Variants in SSH2 observed in about 807,000 individuals in gnomAD.
SSH2 encodes the protein slingshot protein phosphatase 2, also known as protein phosphatase Slingshot homolog 2.
In SSH2, 37 loss-of-function variants were observed where a neutral mutation model predicts 135.2. That is an observed-to-expected ratio of 0.27 (90% CI 0.21 to 0.36). The LOEUF (loss-of-function observed/expected upper bound fraction) is 0.36. Among genes scored for constraint, SSH2 ranks in the 10% least tolerant of loss-of-function variants. The pLI, the probability that SSH2 is intolerant of heterozygous loss-of-function variation, is 1.00. For synonymous variants in SSH2, 628 were observed against 646.2 expected (o/e 0.97, Z 0.43); for missense variants, 1,408 against 1,765.3 (o/e 0.80, Z 3.63).
intron 3 of SSH2, chr17:29,777,862 C>T (rs1023690042): frequency 1.3e-5 from 2 of 151,406 alleles, no homozygotes; most frequent in Non-Finnish European, 1.5e-5. Flanking sequence ...TGCCACATCC[C>T]ATCCTGCCTT....
intron 3 of SSH2, among the ~76,000 whole-genome samples, chr17:29,786,410 T>C (rs766571122): frequency 1.3e-5 from 2 of 152,176 alleles, no homozygotes; most frequent in Non-Finnish European, 2.9e-5. Flanking sequence ...CAGCAGGAAT[T>C]CTAGCCTTGC....
chr17:29,834,347 C>T (rs1215665373), intron 2 of SSH2, among the ~76,000 whole-genome samples: 1 of 152,076 alleles, frequency 6.6e-6, no homozygotes, highest in African/African-American at 2.4e-5. Flanking sequence ...GAATGCTTGA[C>T]GTGATTGAAA....
At chr17:29,706,938 G>C (rs1255136337) in intron 3 of SSH2, 1 of 152,194 alleles carries the variant, frequency 6.6e-6, no homozygotes, top group Non-Finnish European at 1.5e-5. Context: ...CGGATCACGA[G>C]GTCAGGAGAT....
At chr17:29,794,024 G>A in intron 2 of SSH2, 87 bp from the exon 3 acceptor site, 2 of 1,057,868 alleles carry the variant, frequency 1.9e-6, no homozygotes, top group Non-Finnish European at 2.9e-6. Context: ...AGTTTCACAT[G>A]TTGTGTACTT....
chr17:29,691,030 A>T (rs1262191674), intron 5 of SSH2, among the ~76,000 whole-genome samples: 1 of 151,834 alleles, frequency 6.6e-6, no homozygotes, highest in African/African-American at 2.4e-5. Flanking sequence ...GCTGAGAACG[A>T]TTTTCTCAGA....
At chr17:29,643,428 T>C (rs1435635493) in intron 14 of SSH2, 2 of 224,110 alleles carry the variant, frequency 8.9e-6, no homozygotes, top group East Asian at 3.7e-4. Context: ...TTTTTTTTTT[T>C]TGACACGGAG....
chr17:29,825,942 T>G (rs1483761364), intron 2 of SSH2, among the ~76,000 whole-genome samples: 1 of 152,242 alleles, frequency 6.6e-6, no homozygotes, highest in Non-Finnish European at 1.5e-5. Flanking sequence ...ACCTCTGGCC[T>G]ACTCTTAATT....
At chr17:29,743,605 A>C (rs1471198866) in intron 3 of SSH2, among the ~76,000 whole-genome samples, 2 of 152,246 alleles carry the variant, frequency 1.3e-5, no homozygotes, top group African/African-American at 4.8e-5. Context: ...GGGGTGAATA[A>C]GCCCCGGCAC....
intron 2 of SSH2, among the ~76,000 whole-genome samples, chr17:29,841,232 G>C (rs2043036159): frequency 1.3e-5 from 2 of 152,152 alleles, no homozygotes; most frequent in Non-Finnish European, 2.9e-5. Context: ...GAAAACATCA[G>C]TTTGTGAAAA....
At chr17:29,794,587 A>G (rs780015700) in intron 2 of SSH2, among the ~76,000 whole-genome samples, 2 of 152,248 alleles carry the variant, frequency 1.3e-5, no homozygotes, top group Non-Finnish European at 2.9e-5. Context: ...TGACCCACCC[A>G]GGGATGCCAA....
chr17:29,930,058 GA>G lies in SSH2; in HGVS notation c.-59del. On this transcript the variant is annotated 5_prime_UTR_variant, in exon 1 of 16. Coordinates refer to ENST00000540801, the MANE Select transcript of SSH2 (RefSeq NM_001282129.2). ...TTCTTGTCCTGAGTGTGGGGGACGG[GA>G]GGGTGACGGAGCCGGGATGGGGAAA... The G allele has an allele frequency of 7.2e-7, 1 of 1,381,228 alleles. No individual in the cohort carries two copies. Among genetic ancestry groups the G allele is most frequent in the Middle Eastern group, 2.0e-4 (1 of 5,110 alleles). The allele number at this position is 1,381,228 out of a possible 1,614,324, so 85.6% of individuals were successfully genotyped here.
intron 1 of SSH2, among the ~76,000 whole-genome samples, chr17:29,896,383 C>T (rs1287986947): frequency 2.9e-5 from 4 of 137,704 alleles, no homozygotes; most frequent in Non-Finnish European, 6.3e-5. Context: ...TTTATATACA[C>T]ATTTCATGTA....
At chr17:29,874,166 GC>G (rs1220237347) in intron 1 of SSH2, among the ~76,000 whole-genome samples, 3 of 151,882 alleles carry the variant, frequency 2.0e-5, no homozygotes, top group African/African-American at 4.8e-5. Flanking sequence ...GGTGGTGCGT[GC>G]CTGCAGTCCC....
chr17:29,789,631 A>G (rs1006503434), intron 3 of SSH2, among the ~76,000 whole-genome samples: 1 of 152,138 alleles, frequency 6.6e-6, no homozygotes, highest in Admixed American at 6.5e-5. Context: ...GGCTAGGACC[A>G]CTGGCAAGCA....
rs202027839 is a variant in SSH2 at position 29,831,754 on chromosome 17, A to C, written c.144+17095T>G. Among the ~76,000 whole-genome samples the C allele has an allele frequency of 3.5e-5, 5 of 143,524 alleles. No homozygotes were observed. In the East Asian group the frequency reaches 8.4e-4, roughly 24 times the overall value. The allele number at this position is 143,524 out of a possible 152,430, so 94.2% of individuals were successfully genotyped here. On this transcript the variant is annotated intron_variant, in intron 2 of 15. Coordinates refer to ENST00000540801, the MANE Select transcript of SSH2 (RefSeq NM_001282129.2). ...GCCCAGCTAAGTTTTTTTTTTTTGT[A>C]TTTGTGGTAGAGACGGGGTTTCGCC... is the stretch of plus-strand genomic sequence containing the variant.
intron 14 of SSH2, chr17:29,645,661 C>T (rs909486414): frequency 1.3e-5 from 2 of 152,152 alleles, no homozygotes; most frequent in African/African-American, 4.8e-5. Flanking sequence ...TGCTCAGATG[C>T]CTCTTTCTTG....
rs374015058 is a variant in SSH2 at position 29,873,484 on chromosome 17, G to A, written c.64-24555C>T. On this transcript the variant is annotated intron_variant, in intron 1 of 15. Coordinates refer to ENST00000540801, the MANE Select transcript of SSH2 (RefSeq NM_001282129.2). ...TGAGGCGGGAGAATCACTTGAACCC[G>A]GGAGGTGGAGGCTGCAATGACCTGA... is the stretch of plus-strand genomic sequence containing the variant. Among the ~76,000 whole-genome samples the A allele has an allele frequency of 5.3e-5, 8 of 151,930 alleles. No homozygotes were observed. The East Asian group carries it at 5.8e-4, about 11-fold the overall frequency.
At chr17:29,753,542 C>T (rs1022230846) in intron 3 of SSH2, among the ~76,000 whole-genome samples, 19 of 151,766 alleles carry the variant, frequency 1.3e-4, no homozygotes, top group Admixed American at 1.2e-3. Flanking sequence ...CACGTCTGTA[C>T]TCCCAGCACT....
In SSH2 at chr17:29,676,834, A is replaced by T. The variant is rs751371927; in HGVS notation, c.600T>A (p.Ser200=). 2 of 1,613,760 alleles carry T rather than the reference A, an allele frequency of 1.2e-6. No homozygotes were observed. Among genetic ancestry groups the T allele is most frequent in the Non-Finnish European group, 1.7e-6 (2 of 1,179,712 alleles). The change falls in exon 8 of 16, where the codon TCT becomes TCA. Residue 200 remains serine (S), a synonymous_variant. Transcript: ENST00000540801. ...AGTCATCTTACCACATTGCCTGCACAGATACAGGTTTGAATATGTGAACTC... is the reference window on the plus strand; with the variant it reads ...AGTCATCTTACCACATTGCCTGCACTGATACAGGTTTGAATATGTGAACTC... ...DNRVHIFKPV[S]VQAMWSALQS... is the part of the protein sequence containing the mutation.
Sources: allele counts gnomAD v4.1 joint callset (sites outside exome capture counted in the v4.1 genomes callset), GRCh38; gene constraint gnomAD v4.1.1; transcripts MANE v1.5; gene names NCBI Gene and HGNC (gene_info 2026-07-23, HGNC 2026-07-21).